Variants in CSMD1 observed in about 807,000 individuals in gnomAD.
CSMD1 encodes CUB and Sushi multiple domains 1.
A neutral mutation model predicts 417.5 loss-of-function variants in CSMD1; 213 were observed. The observed-to-expected ratio is 0.51, with a 90% CI of 0.46 to 0.57. The LOEUF (loss-of-function observed/expected upper bound fraction) is 0.57, where lower values mean the gene tolerates loss of function less well. Ranked by LOEUF, CSMD1 falls within the 20% of genes least tolerant of loss-of-function variation. The probability of loss-of-function intolerance (pLI) is 0.00; values close to 1 mark genes in which losing one functional copy is unlikely to be tolerated. For missense variants in CSMD1, 6,923 were observed against 4,529.7 expected (o/e 1.53, Z -15.17); for synonymous variants, 2,862 against 1,736.8 (o/e 1.65, Z -16.11).
chr8:4,942,101 C>G (rs967271813), intron 1 of CSMD1, among the ~76,000 whole-genome samples: 2 of 152,150 alleles, frequency 1.3e-5, no homozygotes, highest in African/African-American at 2.4e-5. Flanking sequence ...AGGTAACATT[C>G]CACAATTCCT....
chr8:3,575,637 C>A (rs1447743131), intron 9 of CSMD1, among the ~76,000 whole-genome samples: 1 of 151,964 alleles, frequency 6.6e-6, no homozygotes, highest in East Asian at 1.9e-4. Flanking sequence ...ATAAACTATA[C>A]CAATTTCTTT....
At chr8:3,689,726 T>TC (rs1800136036) in intron 7 of CSMD1, among the ~76,000 whole-genome samples, 4 of 151,440 alleles carry the variant, frequency 2.6e-5, no homozygotes, top group Non-Finnish European at 4.4e-5. Flanking sequence ...AATCCCTTTT[T>TC]AGTGATGAAA....
intron 6 of CSMD1, among the ~76,000 whole-genome samples, chr8:3,733,800 C>G (rs1472201148): frequency 6.6e-6 from 1 of 152,168 alleles, no homozygotes. Context: ...TACTTGCATA[C>G]TGTTAGAACT....
intron 4 of CSMD1, among the ~76,000 whole-genome samples, chr8:4,026,257 A>C (rs578187621): frequency 6.6e-6 from 1 of 152,324 alleles, no homozygotes; most frequent in East Asian, 1.9e-4. Context: ...TTTATAAAAT[A>C]ACATGTAATG....
intron 5 of CSMD1, among the ~76,000 whole-genome samples, chr8:3,788,750 G>T (rs532752480): frequency 6.6e-6 from 1 of 152,188 alleles, no homozygotes; most frequent in African/African-American, 2.4e-5. Context: ...CATCCATGCA[G>T]TTGTTCCATT....
At chr8:3,690,257 G>C (rs992268956) in intron 7 of CSMD1, among the ~76,000 whole-genome samples, 2 of 152,198 alleles carry the variant, frequency 1.3e-5, no homozygotes, top group Non-Finnish European at 2.9e-5. Context: ...TACTTGGGAG[G>C]AGGCTGAGTC....
intron 3 of CSMD1, among the ~76,000 whole-genome samples, chr8:4,086,558 C>G (rs1288538792): frequency 6.6e-6 from 1 of 152,186 alleles, no homozygotes; most frequent in Non-Finnish European, 1.5e-5. Context: ...ATAGGGCCCA[C>G]AGAGTTACAT....
At chr8:3,355,490 T>A (rs1038291419) in intron 21 of CSMD1, among the ~76,000 whole-genome samples, 3 of 152,190 alleles carry the variant, frequency 2.0e-5, no homozygotes, top group Non-Finnish European at 1.5e-5. Flanking sequence ...ACGACTGCCC[T>A]GGCCACAATG....
chr8:4,629,537 T>C (rs1411453613), intron 2 of CSMD1, among the ~76,000 whole-genome samples: 2 of 152,240 alleles, frequency 1.3e-5, no homozygotes, highest in Non-Finnish European at 2.9e-5. Context: ...TTGTCTTTCA[T>C]ACTTATTAGA....
chr8:4,652,360 C>A (rs578171689), intron 1 of CSMD1, among the ~76,000 whole-genome samples: 1 of 146,656 alleles, frequency 6.8e-6, no homozygotes, highest in African/African-American at 2.5e-5. Context: ...TCTTTTGAAA[C>A]AAACATATGA....
chr8:4,116,849 T>C (rs1017940372), intron 3 of CSMD1, among the ~76,000 whole-genome samples: 37 of 151,970 alleles, frequency 2.4e-4, no homozygotes, highest in Admixed American at 2.2e-3. Context: ...AAAAAGCACC[T>C]GGCATTTACT....
At chr8:3,673,389 T>C (rs922573052) in intron 7 of CSMD1, among the ~76,000 whole-genome samples, 5 of 152,158 alleles carry the variant, frequency 3.3e-5, no homozygotes, top group Non-Finnish European at 7.4e-5. Context: ...AGCAAGAATA[T>C]GGAGATGAAA....
chr8:4,810,108 C>T (rs1393540937), intron 1 of CSMD1, among the ~76,000 whole-genome samples: 1 of 152,156 alleles, frequency 6.6e-6, no homozygotes, highest in South Asian at 2.1e-4. Context: ...CCTTTAGAAA[C>T]ACAAAACCTT....
At chr8:4,022,648 C>T (rs1019175775) in intron 4 of CSMD1, among the ~76,000 whole-genome samples, 3 of 151,982 alleles carry the variant, frequency 2.0e-5, no homozygotes, top group Non-Finnish European at 4.4e-5. Context: ...TCTGGGTGAG[C>T]GCTCAGGGAG....
rs149260329 is a variant in CSMD1 at position 4,901,866 on chromosome 8, T to C, written c.85+92466A>G. ...TAGCATCATGATGATGACATATATA[T>C]ACACTTCCCACCAGCCAAAAGGACA... On this transcript the variant is annotated intron_variant, in intron 1 of 69. Coordinates refer to ENST00000635120, the MANE Select transcript of CSMD1 (RefSeq NM_033225.6). Among the ~76,000 whole-genome samples the C allele has an allele frequency of 3.8e-4, 58 of 152,130 alleles. No homozygotes were observed. The East Asian group carries it at 0.01, about 26-fold the overall frequency.
intron 3 of CSMD1, among the ~76,000 whole-genome samples, chr8:4,377,122 T>C (rs1350830846): frequency 6.6e-6 from 1 of 152,200 alleles, no homozygotes; most frequent in Non-Finnish European, 1.5e-5. Flanking sequence ...TATAGAGCCA[T>C]TTCTCCTTTA....
chr8:3,855,100 C>G (rs1471033592), intron 5 of CSMD1, among the ~76,000 whole-genome samples: 2 of 152,130 alleles, frequency 1.3e-5, no homozygotes, highest in Non-Finnish European at 2.9e-5. Context: ...ACCTACTACT[C>G]TTGAAGCTAT....
intron 2 of CSMD1, among the ~76,000 whole-genome samples, chr8:4,478,836 T>C (rs542690300): frequency 3.9e-5 from 6 of 152,368 alleles, no homozygotes; most frequent in African/African-American, 9.6e-5. Context: ...TTTCATATGC[T>C]TTGACATCCA....
intron 7 of CSMD1, among the ~76,000 whole-genome samples, chr8:3,649,550 G>A (rs2469405): frequency 0.41 from 63,029 of 151,916 alleles, 13,410 homozygotes; most frequent in Middle Eastern, 0.47. Context: ...CAAGGTGGCA[G>A]GAAGGAGAAG....
Sources: allele counts gnomAD v4.1 joint callset (sites outside exome capture counted in the v4.1 genomes callset), GRCh38; gene constraint gnomAD v4.1.1; transcripts MANE v1.5; gene names NCBI Gene and HGNC (gene_info 2026-07-23, HGNC 2026-07-21).